CDC42BPB: variants seen among roughly 807,000 people sequenced by gnomAD.
CDC42BPB encodes serine/threonine-protein kinase MRCK beta.
Under a neutral mutation model 214.9 loss-of-function variants are expected in CDC42BPB, and 37 were observed. The observed-to-expected ratio is 0.17, with a 90% CI of 0.13 to 0.23. CDC42BPB has a LOEUF of 0.23. Ranked by LOEUF, CDC42BPB falls within the 10% of genes least tolerant of loss-of-function variation. The probability of loss-of-function intolerance (pLI) is 1.00; values close to 1 mark genes in which losing one functional copy is unlikely to be tolerated. For missense variants in CDC42BPB, 1,694 were observed against 2,227.0 expected, an observed-to-expected ratio of 0.76 and a Z score of 4.82; for synonymous variants, 931 against 884.0, an observed-to-expected ratio of 1.05 and a Z score of -0.94.
chr14:102,970,738 C>T (rs1420409263), intron 13 of CDC42BPB, among the ~76,000 whole-genome samples: 1 of 152,346 alleles, frequency 6.6e-6, no homozygotes, highest in African/African-American at 2.4e-5. Flanking sequence ...ACTGTTATCA[C>T]TTCCCCCATA....
intron 5 of CDC42BPB, among the ~76,000 whole-genome samples, chr14:102,997,249 A>C (rs1462743241): frequency 6.6e-6 from 1 of 152,164 alleles, no homozygotes; most frequent in Admixed American, 6.5e-5. Flanking sequence ...ACACAGACAC[A>C]TGTGATGCCT....
chr14:103,043,729 C>CAA (rs1888137068), intron 1 of CDC42BPB, among the ~76,000 whole-genome samples: 1 of 151,926 alleles, frequency 6.6e-6, no homozygotes, highest in Non-Finnish European at 1.5e-5. Flanking sequence ...GCAGAGAAGC[C>CAA]TTTCTTCTTC....
In CDC42BPB at chr14:102,975,728, T is replaced by G. The variant is rs185643206; in HGVS notation, c.1463A>C (p.Lys488Thr). ...LSNSNRDKEI[K>T]KLNEEIERLK... Reference sequence around the variant, plus strand: ...GCGTTCGATTTCTTCATTTAGCTTTTTGATTTCTTTATCTCGGTTTGAATT... The same window carrying G: ...GCGTTCGATTTCTTCATTTAGCTTTGTGATTTCTTTATCTCGGTTTGAATT... Residue 488 changes from lysine to threonine, a missense_variant, in exon 11 of 37, where the codon AAA becomes ACA. By Grantham distance (78) the Lys-to-Thr change is moderately conservative (BLOSUM62 -1). Coordinates refer to ENST00000361246, the MANE Select transcript of CDC42BPB (RefSeq NM_006035.4). The G allele has an allele frequency of 3.2e-5, 52 of 1,614,198 alleles. 1 individual carries two copies. In the Admixed American group the frequency reaches 6.8e-4, roughly 21 times the overall value.
chr14:102,985,116 G>A (rs1894179385), intron 6 of CDC42BPB, among the ~76,000 whole-genome samples: 1 of 151,776 alleles, frequency 6.6e-6, no homozygotes, highest in South Asian at 2.1e-4. Context: ...GGTAACCCAT[G>A]TTCTGGTTAT....
At chr14:102,997,730 A>C (rs997039250) in intron 5 of CDC42BPB, among the ~76,000 whole-genome samples, 1 of 152,252 alleles carries the variant, frequency 6.6e-6, no homozygotes, top group African/African-American at 2.4e-5. Flanking sequence ...AGAAAGCAGA[A>C]GTTTATGTAA....
In CDC42BPB at chr14:102,938,356, G is replaced by A. The variant is rs759976196; in HGVS notation, c.4883C>T (p.Ala1628Val). 14 of 1,595,450 alleles carry A rather than the reference G, an allele frequency of 8.8e-6. No homozygotes were observed. In the Admixed American group the frequency reaches 2.4e-4, roughly 28 times the overall value. ...CTTGTTCCTGGATGGAGGCTGGCGA[G>A]CCAGGTTGGTGGGAGCGGGGCCCGG... ...ERPGPAPTNL[A>V]RQPPSRNKPY... Residue 1628 changes from alanine (A) to valine (V), a missense_variant, in exon 35 of 37, where the codon GCT (alanine) becomes GTT (valine). Ala to Val is a moderately conservative substitution (Grantham distance 64, BLOSUM62 0). Transcript: ENST00000361246.
rs1262068316 is a variant in CDC42BPB, at chr14:103,056,902, G to C, written c.175+97C>G. 19 of 866,078 alleles carry C rather than the reference G, an allele frequency of 2.2e-5. No individual in the cohort carries two copies. The East Asian group carries it at 6.1e-4, about 28-fold the overall frequency. 53.6% of individuals were successfully genotyped at this position (866,078 alleles called of 1,614,324 possible). A position where few individuals can be genotyped will look rare whatever the true frequency, so the allele number is the denominator to read the frequency against. Reference sequence around the variant, plus strand: ...GAGCTGGGTGGGCAGGAGGGCGGCAGGGTCTGTCCGGGCGGGGATGGGCGG... The same window carrying C: ...GAGCTGGGTGGGCAGGAGGGCGGCACGGTCTGTCCGGGCGGGGATGGGCGG... On this transcript the variant is annotated intron_variant, in intron 1 of 36. Coordinates refer to ENST00000361246, the MANE Select transcript of CDC42BPB (RefSeq NM_006035.4).
intron 36 of CDC42BPB, 147 bp downstream of exon 36, chr14:102,937,956 AC>A (rs1891714150): frequency 2.4e-6 from 2 of 837,978 alleles, no homozygotes; most frequent in Non-Finnish European, 4.0e-6. Flanking sequence ...GGGGACAGCC[AC>A]CCCGACCCCT....
intron 1 of CDC42BPB, among the ~76,000 whole-genome samples, chr14:103,019,388 G>A (rs547770174): frequency 8.5e-5 from 13 of 152,274 alleles, no homozygotes; most frequent in South Asian, 2.1e-4. Context: ...CACCCACAGC[G>A]TCAGCCATGG....
intron 2 of CDC42BPB, 56 bp from the exon 3 acceptor site, chr14:103,008,611 C>T (rs549028922): frequency 1.8e-4 from 289 of 1,591,012 alleles, no homozygotes; most frequent in Middle Eastern, 1.7e-4. Context: ...AAGGCTAGCA[C>T]GCTGGAGCTA....
At chr14:103,041,367 T>C (rs1887982190) in intron 1 of CDC42BPB, 1 of 501,312 alleles carries the variant, frequency 2.0e-6, no homozygotes, top group Non-Finnish European at 3.5e-6. Context: ...GTATGAAACT[T>C]TGTGACCTTG....
At chr14:102,979,501 C>A (rs942459436) in intron 8 of CDC42BPB, among the ~76,000 whole-genome samples, 2 of 152,094 alleles carry the variant, frequency 1.3e-5, no homozygotes, top group African/African-American at 4.8e-5. Flanking sequence ...GGTGACTCGC[C>A]GCACCCGGCC....
Position 102,944,201 on chromosome 14 carries a change from C to T in CDC42BPB, c.4098G>A (p.Lys1366=). 6.2e-7 allele frequency: 1 copy of T among 1,613,356 alleles called. No individual in the cohort carries two copies. Among genetic ancestry groups the T allele is most frequent in the Non-Finnish European group, 8.5e-7 (1 of 1,180,040 alleles). Residue 1366 remains lysine, a synonymous_variant, in exon 30 of 37, where the codon AAG becomes AAA. Coordinates refer to ENST00000361246, the MANE Select transcript of CDC42BPB (RefSeq NM_006035.4). This position sits in a 1 kb window ranked among gnomAD's most constrained non-coding sequence, Gnocchi z 6.6. The part of the protein sequence containing the change: ...EIQRTKPFHR[K]FNEIVAPGSV... ...TGCCGGGAGCCACAATCTCATTGAACTTTCTGTGGAATGGCTTCGTTCTCT... is the reference window on the plus strand; with the variant it reads ...TGCCGGGAGCCACAATCTCATTGAATTTTCTGTGGAATGGCTTCGTTCTCT...
At chr14:103,047,233 C>T (rs1888338909) in intron 1 of CDC42BPB, among the ~76,000 whole-genome samples, 1 of 138,914 alleles carries the variant, frequency 7.2e-6, no homozygotes, top group Non-Finnish European at 1.5e-5. Context: ...CCTGTGAGCT[C>T]AGATCACGCC....
Position 102,938,411 on chromosome 14 carries a change from T to C in CDC42BPB, c.4828A>G (p.Ser1610Gly). ...GMQVLMDLPL[S>G]AVPPSQEERP... ...TCCTCCTGGGAGGGGGGCACAGCAC[T>C]CTGGGCAGAAATAGCAACACGTGAG... The change falls in exon 35 of 37, where the codon AGT (serine) becomes GGT (glycine). Residue 1610 changes from serine to glycine, a missense_variant and splice_region_variant. This residue lies in a region of CDC42BPB where 146 missense variants were observed against 134.1 expected (regional missense o/e 1.09). Coordinates refer to ENST00000361246, the MANE Select transcript of CDC42BPB (RefSeq NM_006035.4). The C allele has an allele frequency of 6.5e-7, 1 of 1,534,242 alleles. No individual in the cohort carries two copies. Among genetic ancestry groups the C allele is most frequent in the East Asian group, 2.3e-5 (1 of 44,234 alleles).
intron 3 of CDC42BPB, among the ~76,000 whole-genome samples, chr14:103,006,675 T>C (rs1355727078): frequency 2.0e-5 from 3 of 152,308 alleles, no homozygotes; most frequent in Admixed American, 1.3e-4. Flanking sequence ...TTAAAATAAG[T>C]CTATGATATA....
At chr14:103,027,837 T>C (rs1203089899) in intron 1 of CDC42BPB, among the ~76,000 whole-genome samples, 2 of 152,128 alleles carry the variant, frequency 1.3e-5, no homozygotes. Flanking sequence ...AATCATACAC[T>C]TAAATCAAAA....
At chr14:103,056,160 T>C (rs1478756097) in intron 1 of CDC42BPB, among the ~76,000 whole-genome samples, 1 of 152,174 alleles carries the variant, frequency 6.6e-6, no homozygotes, top group East Asian at 1.9e-4. Context: ...TAAAACATTA[T>C]AGATCCGGAA....
At chr14:103,045,779 C>T (rs998883466) in intron 1 of CDC42BPB, among the ~76,000 whole-genome samples, 2 of 152,144 alleles carry the variant, frequency 1.3e-5, no homozygotes, top group Non-Finnish European at 2.9e-5. Context: ...TGGGGCGTCT[C>T]GCACACCTGG....
Sources: gnomAD v4.1 joint callset for allele counts (sites outside exome capture counted in the v4.1 genomes callset) on GRCh38, gnomAD v4.1.1 for gene constraint, gnomAD v4.1.1 regional missense constraint, Gnocchi (gnomAD v3.1) non-coding constraint, MANE v1.5 for transcripts, NCBI Gene and HGNC (gene_info 2026-07-23, HGNC 2026-07-21) for gene names.